The following PPFIBP2 variants were observed in gnomAD, a reference collection of about 807,000 sequenced individuals.
The protein encoded by PPFIBP2 is PPFIB scaffold protein 2, also known as liprin-beta-2.
In PPFIBP2, 118 loss-of-function variants were observed where a neutral mutation model predicts 118.3. The ratio of observed to expected loss-of-function variants is 1.00; its 90% CI spans 0.86 to 1.16. The LOEUF is 1.16. PPFIBP2 is among the 50% of genes most tolerant of loss of function. PPFIBP2 has a pLI of 0.00. For synonymous variants in PPFIBP2, 414 were observed against 397.4 expected (o/e 1.04, Z -0.50); for missense variants, 1,195 against 1,073.1 (o/e 1.11, Z -1.59).
At chr11:7,647,722 G>A (rs532304475) in intron 17 of PPFIBP2, among the ~76,000 whole-genome samples, 1 of 152,292 alleles carries the variant, frequency 6.6e-6, no homozygotes, top group South Asian at 2.1e-4. Context: ...TTCTAAATGG[G>A]CAGTCCTGAC....
chr11:7,601,731 G>A (rs1044704948), intron 5 of PPFIBP2, among the ~76,000 whole-genome samples: 4 of 152,136 alleles, frequency 2.6e-5, no homozygotes, highest in African/African-American at 7.2e-5. Context: ...AGGCCGAGGT[G>A]GACGGATAAC....
intron 1 of PPFIBP2, among the ~76,000 whole-genome samples, chr11:7,520,966 A>G (rs1193830659): frequency 6.6e-6 from 1 of 152,116 alleles, no homozygotes; most frequent in Non-Finnish European, 1.5e-5. Flanking sequence ...TCTCTCACTC[A>G]TCTGGTAAAT....
intron 12 of PPFIBP2, 152 bp from the exon 13 acceptor site, chr11:7,634,343 T>C (rs1851169791): frequency 3.1e-6 from 2 of 636,756 alleles, no homozygotes; most frequent in Admixed American, 2.7e-5. Flanking sequence ...AGTCTCATTT[T>C]GTATGTAAAG....
the PPFIBP2 span, chr11:7,665,082 G>C: frequency 8.8e-6 from 2 of 228,530 alleles, no homozygotes; most frequent in Non-Finnish European, 1.7e-5. Context: ...GTCCCCCACA[G>C]AGCCACACTT....
chr11:7,531,264 A>C (rs973980278), intron 1 of PPFIBP2, among the ~76,000 whole-genome samples: 3 of 152,176 alleles, frequency 2.0e-5, no homozygotes, highest in Admixed American at 2.0e-4. Flanking sequence ...CTGGCAAGCC[A>C]AGGTTAGGGA....
At chr11:7,520,983 C>G (rs1473570702) in intron 1 of PPFIBP2, among the ~76,000 whole-genome samples, 2 of 152,196 alleles carry the variant, frequency 1.3e-5, no homozygotes, top group African/African-American at 4.8e-5. Flanking sequence ...AAATAAGCCT[C>G]TAAAAGAGGC....
intron 9 of PPFIBP2, 52 bp from the exon 10 acceptor site, chr11:7,629,407 A>G (rs1332054202): frequency 1.9e-5 from 29 of 1,556,550 alleles, no homozygotes; most frequent in Non-Finnish European, 2.3e-5. Flanking sequence ...AAATGAAATC[A>G]TCTGAGATGC....
At chr11:7,565,224 T>A (rs1279947587) in intron 2 of PPFIBP2, among the ~76,000 whole-genome samples, 1 of 152,204 alleles carries the variant, frequency 6.6e-6, no homozygotes, top group African/African-American at 2.4e-5. Context: ...CTGGAAAGTT[T>A]ACATTGTGAG....
At chr11:7,554,017 G>A (rs1364366140) in intron 2 of PPFIBP2, among the ~76,000 whole-genome samples, 1 of 151,866 alleles carries the variant, frequency 6.6e-6, no homozygotes, top group African/African-American at 2.4e-5. Context: ...GGGTGGCACA[G>A]CTAAAGAAGT....
chr11:7,569,034 A>G (rs1409726281), intron 3 of PPFIBP2: 2 of 152,416 alleles, frequency 1.3e-5, no homozygotes, highest in East Asian at 3.9e-4. Flanking sequence ...GCACTGGAGC[A>G]TCTGTGGTCC....
chr11:7,664,882 G>C, the PPFIBP2 span, among the ~76,000 whole-genome samples: 1 of 135,598 alleles, frequency 7.4e-6, no homozygotes, highest in South Asian at 2.3e-4. Context: ...ACCTGACTTT[G>C]AAAGTTGAGA....
intron 1 of PPFIBP2, among the ~76,000 whole-genome samples, chr11:7,524,021 C>A (rs1038808087): frequency 6.6e-6 from 1 of 152,178 alleles, no homozygotes; most frequent in Non-Finnish European, 1.5e-5. Flanking sequence ...TCCCAAGAGG[C>A]CTTCTTAGCA....
chr11:7,610,240 G>T, intron 5 of PPFIBP2, 51 bp from the exon 6 acceptor site: 2 of 1,587,662 alleles, frequency 1.3e-6, no homozygotes, highest in Non-Finnish European at 1.7e-6. Context: ...AGCCAGAGCT[G>T]TTCTTATTGC....
intron 8 of PPFIBP2, among the ~76,000 whole-genome samples, chr11:7,626,939 G>C (rs894105052): frequency 6.6e-6 from 1 of 152,210 alleles, no homozygotes; most frequent in Non-Finnish European, 1.5e-5. Context: ...GTCCCTCTCC[G>C]AGCTTTTCTC....
chr11:7,606,322 G>A lies in PPFIBP2; in HGVS notation c.487-3969G>A, dbSNP rs886871629. ...AGGAGCAATTGAGGATGTAGGATAAGTTAACTCCTATTAAAGCACACATTT... is the reference window on the plus strand; with the variant it reads ...AGGAGCAATTGAGGATGTAGGATAAATTAACTCCTATTAAAGCACACATTT... On this transcript the variant is annotated intron_variant, in intron 5 of 23. Transcript: ENST00000299492. Among the ~76,000 whole-genome samples, 4 of 152,210 alleles carry A rather than the reference G, an allele frequency of 2.6e-5. No individual in the cohort carries two copies. In the South Asian group the frequency reaches 6.2e-4, roughly 24 times the overall value.
intron 1 of PPFIBP2, among the ~76,000 whole-genome samples, chr11:7,535,487 G>C (rs1851121880): frequency 6.6e-6 from 1 of 152,142 alleles, no homozygotes; most frequent in Admixed American, 6.5e-5. Flanking sequence ...TATCTTTACT[G>C]CTTCCTGGAT....
chr11:7,533,149 A>G (rs1409483662), intron 1 of PPFIBP2, among the ~76,000 whole-genome samples: 1 of 152,072 alleles, frequency 6.6e-6, no homozygotes, highest in Non-Finnish European at 1.5e-5. Flanking sequence ...CTTCAGGAAT[A>G]CAATTGCATC....
In PPFIBP2 at chr11:7,597,410, C is replaced by CT. The variant is rs536081216; in HGVS notation, c.373-148dup. 2,151 of 1,538,514 alleles carry CT rather than the reference C, an allele frequency of 1.4e-3. 7 individuals are homozygous for CT. The highest frequency in any genetic ancestry group is 1.2e-3 in the Non-Finnish European group (1,383 of 1,145,170). On this transcript the variant is annotated intron_variant, in intron 4 of 23. Transcript: ENST00000299492. ...ACTGCAGCTGCCTTCGTTCAGGACA[C>CT]TTCCTCCACCTGCCACTCAGCAAAA...
In PPFIBP2 at chr11:7,639,855, A is replaced by C; in HGVS notation, c.1360A>C (p.Ser454Arg). Residue 454 changes from serine to arginine, a missense_variant, in exon 15 of 24, where the codon AGC becomes CGC. Ser to Arg is a moderately radical substitution (Grantham distance 110, BLOSUM62 -1). Coordinates refer to ENST00000299492, the MANE Select transcript of PPFIBP2 (RefSeq NM_003621.5). Reference protein sequence around the residue: ...TICQPDATGSSLLRLRDTESG... With the variant: ...TICQPDATGSRLLRLRDTESG... ...CTGCCAGCCTGACGCCACGGGGAGC[A>C]GCCTGCTGAGGCTGAGTGAGTGTCC... The C allele has an allele frequency of 6.2e-7, 1 of 1,614,106 alleles. No individual in the cohort carries two copies. The highest frequency in any genetic ancestry group is 8.5e-7 in the Non-Finnish European group (1 of 1,179,994).
Sources: allele counts gnomAD v4.1 joint callset (sites outside exome capture counted in the v4.1 genomes callset), GRCh38; gene constraint gnomAD v4.1.1; transcripts MANE v1.5; gene names NCBI Gene and HGNC (gene_info 2026-07-23, HGNC 2026-07-21).